Variants in ESR2 observed in about 807,000 individuals in gnomAD.
ESR2 encodes estrogen receptor beta.
In ESR2, 36 loss-of-function variants were observed where a neutral mutation model predicts 49.6. That is an observed-to-expected ratio of 0.73 (90% CI 0.56 to 0.96). ESR2 has a LOEUF of 0.96. Ranked by LOEUF, ESR2 falls within the 40% of genes least tolerant of loss-of-function variation. The pLI, the probability that ESR2 is intolerant of heterozygous loss-of-function variation, is 0.00. For synonymous variants in ESR2, 320 were observed against 266.1 expected, an observed-to-expected ratio of 1.20 and a Z score of -1.97; for missense variants, 714 against 693.0, an observed-to-expected ratio of 1.03 and a Z score of -0.34.
In ESR2 at chr14:64,230,040, G is replaced by C. The variant is rs1053259455; in HGVS notation, c.*3097C>G. On this transcript the variant is annotated 3_prime_UTR_variant, in exon 9 of 9. Coordinates refer to ENST00000341099, the MANE Select transcript of ESR2 (RefSeq NM_001437.3). ...CAAATATTAAAAGAATTAGCCAGGAGTGGTGGTGTGCACCCCAGCTACTCG... is the reference window on the plus strand; with the variant it reads ...CAAATATTAAAAGAATTAGCCAGGACTGGTGGTGTGCACCCCAGCTACTCG... Among the ~76,000 whole-genome samples the C allele has an allele frequency of 6.6e-6, 1 of 151,948 alleles. No homozygotes were observed. The highest frequency in any genetic ancestry group is 1.9e-4 in the East Asian group (1 of 5,180).
At chr14:64,245,186 T>C (rs540481698) in intron 7 of ESR2, among the ~76,000 whole-genome samples, 6 of 152,212 alleles carry the variant, frequency 3.9e-5, no homozygotes, top group African/African-American at 7.2e-5. Context: ...CTGAACAGGA[T>C]CAATTTATTT....
chr14:64,282,692 CA>C lies in ESR2; in HGVS notation c.293del (p.Leu98ArgfsTer16). 6.2e-7 allele frequency: 1 copy of C among 1,614,076 alleles called. No individual in the cohort carries two copies. Among genetic ancestry groups the C allele is most frequent in the South Asian group, 1.1e-5 (1 of 91,090 alleles). ...AGGGACTCTTTTGAGGTTCCGCATACAGATGTGATAACTGGCGATGGACCAC... is the reference window on the plus strand; with the variant it reads ...AGGGACTCTTTTGAGGTTCCGCATACGATGTGATAACTGGCGATGGACCAC... Reference protein sequence around the residue: ...PLVVHRQLSHLYAEPQKSPWC... With the variant: ...PLVVHRQLSHXYAEPQKSPWC... On this transcript the variant is annotated frameshift_variant, in exon 2 of 9. Transcript: ENST00000341099. LOFTEE classifies it high-confidence loss of function.
intron 1 of ESR2, among the ~76,000 whole-genome samples, chr14:64,334,891 G>A (rs989943692): frequency 6.6e-6 from 1 of 152,124 alleles, no homozygotes; most frequent in East Asian, 1.9e-4. Flanking sequence ...CAGGTGATCC[G>A]CCTGCCTCGG....
intron 1 of ESR2, among the ~76,000 whole-genome samples, chr14:64,301,955 C>T (rs1385183306): frequency 6.6e-6 from 1 of 151,834 alleles, no homozygotes; most frequent in East Asian, 1.9e-4. Flanking sequence ...AGTTTGGGCT[C>T]TGAGGGTAGA....
In ESR2 at chr14:64,229,647, A is replaced by C. The variant is rs1036452741; in HGVS notation, c.*3490T>G. Reference sequence around the variant, plus strand: ...CTGTTTGAAGTGCATGGTCACTGTCAGCACTGGACTTGGACTGCCTGTGTT... The same window carrying C: ...CTGTTTGAAGTGCATGGTCACTGTCCGCACTGGACTTGGACTGCCTGTGTT... On this transcript the variant is annotated 3_prime_UTR_variant, in exon 9 of 9. Coordinates refer to ENST00000341099, the MANE Select transcript of ESR2 (RefSeq NM_001437.3). Among the ~76,000 whole-genome samples the C allele has an allele frequency of 3.8e-4, 58 of 152,336 alleles. No homozygotes were observed. Among genetic ancestry groups the C allele is most frequent in the African/African-American group, 1.4e-3 (58 of 41,588 alleles).
At chr14:64,302,439 G>A (rs558748401) in intron 1 of ESR2, among the ~76,000 whole-genome samples, 4 of 151,780 alleles carry the variant, frequency 2.6e-5, no homozygotes, top group South Asian at 2.1e-4. Context: ...CACCCGCCTC[G>A]GCCTCCCAAA....
chr14:64,281,911 G>C, intron 2 of ESR2, among the ~76,000 whole-genome samples: 1 of 152,184 alleles, frequency 6.6e-6, no homozygotes, highest in East Asian at 1.9e-4. Flanking sequence ...CATTTAAGTT[G>C]TAATACTATC....
intron 1 of ESR2, among the ~76,000 whole-genome samples, chr14:64,290,100 CT>C (rs2076847535): frequency 6.6e-6 from 1 of 152,120 alleles, no homozygotes; most frequent in Non-Finnish European, 1.5e-5. Context: ...GGGTTATACT[CT>C]AGCTCTGTAA....
intron 5 of ESR2, 171 bp downstream of exon 5, chr14:64,260,278 G>T (rs2076185757): frequency 3.8e-6 from 3 of 793,170 alleles, no homozygotes; most frequent in Non-Finnish European, 6.9e-6. Context: ...AGGTAGGTAT[G>T]CCAAGACAGA....
rs907762307 is a variant in ESR2, at chr14:64,231,625, G to A, written c.*1512C>T. The A allele has an allele frequency of 6.6e-6, 1 of 152,204 alleles. No individual in the cohort carries two copies. The highest frequency in any genetic ancestry group is 1.9e-4 in the East Asian group (1 of 5,204). The allele number at this position is 152,204 out of a possible 1,614,324, so 9.4% of individuals were successfully genotyped here. A position where few individuals can be genotyped will look rare whatever the true frequency, so the allele number is the denominator to read the frequency against. On this transcript the variant is annotated 3_prime_UTR_variant, in exon 9 of 9. Coordinates refer to ENST00000341099, the MANE Select transcript of ESR2 (RefSeq NM_001437.3). ...ACCAGTCTTGGTAACACTGAATGCA[G>A]TCTTCCTAATGACTTAGTAAATACA...
intron 1 of ESR2, chr14:64,301,239 T>C (rs756269202): frequency 2.6e-5 from 4 of 152,208 alleles, no homozygotes; most frequent in Non-Finnish European, 4.4e-5. Flanking sequence ...ACAATGCCTG[T>C]TGCAAATGAT....
At chr14:64,252,906 A>G (rs2076018076) in intron 6 of ESR2, among the ~76,000 whole-genome samples, 1 of 152,002 alleles carries the variant, frequency 6.6e-6, no homozygotes, top group Non-Finnish European at 1.5e-5. Flanking sequence ...CCCAGACTGG[A>G]GTGCAGTGGC....
chr14:64,294,981 G>A (rs1421562789), upstream of ESR2, among the ~76,000 whole-genome samples: 2 of 152,182 alleles, frequency 1.3e-5, no homozygotes, highest in Non-Finnish European at 2.9e-5. Context: ...GCCCTTCTCC[G>A]CTGGAGGCAC....
chr14:64,239,274 G>A (rs186176362), intron 7 of ESR2, among the ~76,000 whole-genome samples: 3 of 152,180 alleles, frequency 2.0e-5, no homozygotes, highest in Admixed American at 1.3e-4. Context: ...AAGGACCCCC[G>A]CATCTTTCCT....
intron 1 of ESR2, chr14:64,336,273 T>C (rs575132385): frequency 6.6e-6 from 1 of 152,330 alleles, no homozygotes; most frequent in South Asian, 2.1e-4. Flanking sequence ...GGAAGCACAA[T>C]TTTAAGTTGT....
At chr14:64,325,089 AT>A (rs1452412234) in intron 1 of ESR2, among the ~76,000 whole-genome samples, 11 of 152,292 alleles carry the variant, frequency 7.2e-5, no homozygotes, top group Admixed American at 2.0e-4. Context: ...TGACAAATGC[AT>A]TTCCAAATGG....
chr14:64,248,330 T>C (rs1052377649), intron 7 of ESR2, among the ~76,000 whole-genome samples: 1 of 151,790 alleles, frequency 6.6e-6, no homozygotes, highest in Admixed American at 6.6e-5. Context: ...CACAGCAAGA[T>C]TCTGTCTCTA....
At chr14:64,324,306 T>C (rs989558044) in intron 1 of ESR2, among the ~76,000 whole-genome samples, 2 of 152,158 alleles carry the variant, frequency 1.3e-5, no homozygotes, top group African/African-American at 2.4e-5. Flanking sequence ...GTGAAAAAAC[T>C]GAAGATATGG....
At chr14:64,312,709 G>T (rs1466634013) in intron 1 of ESR2, among the ~76,000 whole-genome samples, 3 of 152,020 alleles carry the variant, frequency 2.0e-5, no homozygotes, top group Admixed American at 2.0e-4. Context: ...TTCCCATACA[G>T]TCAAAAGTTC....
Sources: gnomAD v4.1 joint callset for allele counts (sites outside exome capture counted in the v4.1 genomes callset) on GRCh38, gnomAD v4.1.1 for gene constraint, MANE v1.5 for transcripts, NCBI Gene and HGNC (gene_info 2026-07-23, HGNC 2026-07-21) for gene names.